The following FANCM variants were observed in gnomAD, a reference collection of about 807,000 sequenced individuals.
FANCM encodes Fanconi anemia group M protein.
Under a neutral mutation model 199.5 loss-of-function variants are expected in FANCM, and 140 were observed. That is an observed-to-expected ratio of 0.70 (90% confidence interval 0.61 to 0.81). The LOEUF (loss-of-function observed/expected upper bound fraction) is 0.81. Among genes scored for constraint, FANCM ranks in the 30% least tolerant of loss-of-function variants. The pLI is 0.00. For synonymous variants in FANCM, 840 were observed against 836.8 expected (o/e 1.00, Z -0.07); for missense variants, 2,410 against 2,421.4 (o/e 1.00, Z 0.10).
In FANCM at chr14:45,199,386, A is replaced by G. The variant is rs77431748; in HGVS notation, c.6008+451A>G. ...CAATGATAAAATACACAAACAACAC[A>G]AATTTATTTCTGCCAGTTCTGGATA... On this transcript the variant is annotated intron_variant, in intron 22 of 22. Transcript: ENST00000267430. 5.1e-3 allele frequency among the ~76,000 whole-genome samples: 770 copies of G among 152,354 alleles called. 4 individuals carry two copies. The highest frequency in any genetic ancestry group is 8.7e-3 in the Non-Finnish European group (594 of 68,030).
chr14:45,181,840 G>C (rs1367263521), intron 16 of FANCM, 135 bp downstream of exon 16: 1 of 645,042 alleles, frequency 1.6e-6, no homozygotes, highest in Non-Finnish European at 2.7e-6. Context: ...TATGTGATTG[G>C]AATTTCTAGC....
At chr14:45,166,292 CG>C (rs1418274874) in intron 10 of FANCM, among the ~76,000 whole-genome samples, 1 of 151,810 alleles carries the variant, frequency 6.6e-6, no homozygotes, top group Admixed American at 6.6e-5. Flanking sequence ...CCACCATGCC[CG>C]GCTAATTTTT....
intron 3 of FANCM, among the ~76,000 whole-genome samples, chr14:45,142,100 C>T (rs1279853286): frequency 2.0e-5 from 3 of 152,042 alleles, no homozygotes; most frequent in Admixed American, 6.6e-5. Flanking sequence ...CCGTCTTCCC[C>T]TAATGTTAAC....
chr14:45,197,506 C>T (rs1163594797), intron 21 of FANCM, among the ~76,000 whole-genome samples: 76 of 151,530 alleles, frequency 5.0e-4, no homozygotes, highest in Admixed American at 2.2e-3. Context: ...GCTCTGTTGC[C>T]CAGGCTGGAG....
intron 9 of FANCM, among the ~76,000 whole-genome samples, chr14:45,160,769 C>T (rs1311703731): frequency 1.3e-5 from 2 of 151,656 alleles, no homozygotes; most frequent in Admixed American, 1.3e-4. Flanking sequence ...TCTCCATCTC[C>T]TGACCTCGTG....
chr14:45,185,577 A>G (rs1179365676), intron 18 of FANCM, among the ~76,000 whole-genome samples: 2 of 152,174 alleles, frequency 1.3e-5, no homozygotes, highest in African/African-American at 2.4e-5. Context: ...GCTAATTTGA[A>G]TATTTCTCTT....
chr14:45,181,816 T>C (rs1203528080), intron 16 of FANCM, 111 bp downstream of exon 16: 21 of 720,828 alleles, frequency 2.9e-5, no homozygotes, highest in Non-Finnish European at 4.8e-5. Flanking sequence ...AGTAGAAAAG[T>C]TGATATTCTA....
chr14:45,178,576 C>T (rs1888858952), intron 14 of FANCM, among the ~76,000 whole-genome samples: 2 of 152,084 alleles, frequency 1.3e-5, no homozygotes, highest in South Asian at 2.1e-4. Flanking sequence ...CATGAAAGCA[C>T]TGAAAAAGAA....
At chr14:45,188,725 A>C in intron 19 of FANCM, 77 bp from the exon 20 acceptor site, 1 of 1,062,440 alleles carries the variant, frequency 9.4e-7, no homozygotes, top group Non-Finnish European at 1.4e-6. Context: ...TGCAGATTTC[A>C]TGTGCCTAGA....
chr14:45,138,656 G>T (rs145078950), intron 2 of FANCM, among the ~76,000 whole-genome samples: 124 of 152,190 alleles, frequency 8.1e-4, no homozygotes, highest in African/African-American at 2.9e-3. Flanking sequence ...AATTCAAACT[G>T]TATGGAATAC....
rs745866941 is a variant in FANCM, at chr14:45,175,981, A to C, written c.3227A>C (p.Asp1076Ala). 6.2e-7 allele frequency: 1 copy of C among 1,613,722 alleles called. No homozygotes were observed. The highest frequency in any genetic ancestry group is 1.1e-5 in the South Asian group (1 of 91,074). Residue 1076 changes from aspartate to alanine, a missense_variant, in exon 14 of 23, where the codon GAT becomes GCT. Transcript: ENST00000267430. ...LYDIPNDNIS[D>A]EPSLCDCDVH... is the part of the protein sequence containing the mutation. ...GATATACCTAATGATAATATTTCTGATGAGCCAAGTCTCTGTGACTGTGAT... is the reference window on the plus strand; with the variant it reads ...GATATACCTAATGATAATATTTCTGCTGAGCCAAGTCTCTGTGACTGTGAT...
At chr14:45,152,103 A>G (rs887877387) in intron 5 of FANCM, among the ~76,000 whole-genome samples, 5 of 150,252 alleles carry the variant, frequency 3.3e-5, no homozygotes, top group Admixed American at 1.3e-4. Flanking sequence ...ACCTTGGCTC[A>G]CTGTAACCTC....
At chr14:45,170,486 G>A (rs1429384822) in intron 11 of FANCM, 103 bp from the exon 12 acceptor site, 2 of 769,318 alleles carry the variant, frequency 2.6e-6, no homozygotes, top group East Asian at 5.5e-5. Flanking sequence ...TGAATGTGCT[G>A]TTGCACTCCA....
intron 9 of FANCM, among the ~76,000 whole-genome samples, chr14:45,163,063 G>A (rs1887719272): frequency 6.6e-6 from 1 of 152,160 alleles, no homozygotes. Flanking sequence ...TTTATGAGAA[G>A]ACTTAACATA....
At position 45,176,418 on chromosome 14, in the gene FANCM, G is replaced by T. The variant is rs145411480; in HGVS notation, c.3664G>T (p.Asp1222Tyr). 3 of 1,612,952 alleles carry T rather than the reference G, an allele frequency of 1.9e-6. No homozygotes were observed. Among genetic ancestry groups the T allele is most frequent in the Non-Finnish European group, 2.5e-6 (3 of 1,179,904 alleles). Residue 1222 changes from aspartate to tyrosine, a missense_variant, in exon 14 of 23, where the codon GAT (aspartate) becomes TAT (tyrosine). Coordinates refer to ENST00000267430, the MANE Select transcript of FANCM (RefSeq NM_020937.4). The part of the protein sequence containing the change: ...EKVKNHEDIF[D>Y]CSRDLFSVTF... ...AGTGAAGAATCATGAGGATATTTTT[G>T]ATTGCTCTAGGGATTTATTTTCTGT...
chr14:45,136,710 A>G (rs1173388653), intron 1 of FANCM, among the ~76,000 whole-genome samples, 171 bp downstream of exon 1: 1 of 152,246 alleles, frequency 6.6e-6, no homozygotes, highest in East Asian at 1.9e-4. Flanking sequence ...TTCAGAGAAT[A>G]TCTGCAGCTT....
Position 45,176,338 on chromosome 14 carries a change from C to T in FANCM, c.3584C>T (p.Thr1195Ile), listed in dbSNP as rs1888695422. 6.2e-7 allele frequency: 1 copy of T among 1,613,756 alleles called. No individual in the cohort carries two copies. Among genetic ancestry groups the T allele is most frequent in the Non-Finnish European group, 8.5e-7 (1 of 1,179,936 alleles). Residue 1195 changes from threonine to isoleucine, a missense_variant, in exon 14 of 23, where the codon ACC (threonine) becomes ATC (isoleucine). By Grantham distance (89) the Thr-to-Ile change is moderately conservative. Coordinates refer to ENST00000267430, the MANE Select transcript of FANCM (RefSeq NM_020937.4). ...AATTCTGAACTCCAAGATCAAATCA[C>T]CCGTGATGCTAATAGTTTTAAATCT... Reference protein sequence around the residue: ...DNNSELQDQITRDANSFKSRD... With the variant: ...DNNSELQDQIIRDANSFKSRD...
intron 2 of FANCM, chr14:45,137,940 A>C (rs1056894889): frequency 5.3e-5 from 8 of 151,884 alleles, no homozygotes; most frequent in African/African-American, 2.0e-4. Context: ...AGAGAGAAGA[A>C]GGCTAAAGAC....
chr14:45,184,156 TTA>T (rs1241021855), intron 17 of FANCM, among the ~76,000 whole-genome samples: 3 of 152,210 alleles, frequency 2.0e-5, no homozygotes, highest in Non-Finnish European at 4.4e-5. Context: ...TATTGAGAAT[TTA>T]TGTTTCAAAT....
Sources: allele counts gnomAD v4.1 joint callset (sites outside exome capture counted in the v4.1 genomes callset), GRCh38; gene constraint gnomAD v4.1.1; transcripts MANE v1.5; gene names NCBI Gene and HGNC (gene_info 2026-07-23, HGNC 2026-07-21).